MACROD2: variants seen among roughly 807,000 people sequenced by gnomAD.
The protein encoded by MACROD2 is ADP-ribose glycohydrolase MACROD2.
Under a neutral mutation model 70.4 loss-of-function variants are expected in MACROD2, and 36 were observed. The observed-to-expected ratio is 0.51, with a 90% CI of 0.39 to 0.68. MACROD2 has a LOEUF of 0.68. MACROD2 is among the 30% of genes least tolerant of loss of function. The pLI is 0.00. For missense variants in MACROD2, 496 were observed against 538.4 expected (o/e 0.92, Z 0.78); for synonymous variants, 172 against 178.8 (o/e 0.96, Z 0.30).
At chr20:15,275,385 G>T (rs2077381899) in intron 6 of MACROD2, among the ~76,000 whole-genome samples, 1 of 152,150 alleles carries the variant, frequency 6.6e-6, no homozygotes, top group South Asian at 2.1e-4. Flanking sequence ...AAGGAGGGGG[G>T]TAATTAGTAT....
At chr20:14,741,201 T>C (rs144823587) in intron 5 of MACROD2, among the ~76,000 whole-genome samples, 2,059 of 152,310 alleles carry the variant, frequency 0.014, 48 homozygotes, top group African/African-American at 0.046. Flanking sequence ...TATTCACACA[T>C]ATATTGTATG....
chr20:14,615,218 AC>A (rs953082258), intron 4 of MACROD2, among the ~76,000 whole-genome samples: 2 of 151,950 alleles, frequency 1.3e-5, no homozygotes, highest in African/African-American at 2.4e-5. Context: ...GGAAGTAGTG[AC>A]CTTGGATGAG....
chr20:15,043,312 T>G (rs1435602910), intron 5 of MACROD2, among the ~76,000 whole-genome samples: 3 of 152,254 alleles, frequency 2.0e-5, no homozygotes, highest in Non-Finnish European at 4.4e-5. Flanking sequence ...GTGCCTGCAT[T>G]CTTGCATAGG....
At chr20:15,302,387 C>CACACACACACAAGACAT (rs6147301) in intron 6 of MACROD2, among the ~76,000 whole-genome samples, 15 of 150,550 alleles carry the variant, frequency 1.0e-4, no homozygotes, top group African/African-American at 3.4e-4. Flanking sequence ...CACACATACA[C>CACACACACACAAGACAT]ACATACAGAT....
At chr20:14,427,188 CTCTG>C (rs930540592) in intron 3 of MACROD2, among the ~76,000 whole-genome samples, 41 of 151,554 alleles carry the variant, frequency 2.7e-4, no homozygotes, top group African/African-American at 6.5e-4. Flanking sequence ...TTTATTCGTC[CTCTG>C]TCTTTCTTTA....
At chr20:14,210,104 T>C (rs2081558498) in intron 3 of MACROD2, among the ~76,000 whole-genome samples, 1 of 152,232 alleles carries the variant, frequency 6.6e-6, no homozygotes, top group African/African-American at 2.4e-5. Flanking sequence ...TATATACATA[T>C]GTCTTTTGCC....
chr20:14,130,726 G>T (rs1215443923), intron 3 of MACROD2, among the ~76,000 whole-genome samples: 1 of 151,940 alleles, frequency 6.6e-6, no homozygotes, highest in Non-Finnish European at 1.5e-5. Context: ...TTCACAGTCG[G>T]GATTTTTTGG....
intron 3 of MACROD2, among the ~76,000 whole-genome samples, chr20:14,188,593 A>G (rs528243725): frequency 6.6e-6 from 1 of 152,134 alleles, no homozygotes; most frequent in Non-Finnish European, 1.5e-5. Flanking sequence ...AAATTTTTTC[A>G]GTTTCCCCAC....
chr20:15,560,634 G>A (rs755037381), intron 8 of MACROD2, among the ~76,000 whole-genome samples: 15 of 151,958 alleles, frequency 9.9e-5, no homozygotes, highest in Non-Finnish European at 2.1e-4. Flanking sequence ...ATGGTGGTGT[G>A]TGCCTGTAAT....
At chr20:15,709,310 G>A (rs896718031) in intron 8 of MACROD2, among the ~76,000 whole-genome samples, 1 of 152,146 alleles carries the variant, frequency 6.6e-6, no homozygotes, top group African/African-American at 2.4e-5. Context: ...GCTTTTCTGG[G>A]AAAATCTTTT....
chr20:15,011,337 A>G (rs775831576), intron 5 of MACROD2, among the ~76,000 whole-genome samples: 1 of 151,376 alleles, frequency 6.6e-6, no homozygotes, highest in Non-Finnish European at 1.5e-5. Context: ...TAAGAAATAC[A>G]GAGAGAGAGA....
At chr20:14,426,688 G>C (rs1307137216) in intron 3 of MACROD2, among the ~76,000 whole-genome samples, 1 of 152,024 alleles carries the variant, frequency 6.6e-6, no homozygotes, top group Non-Finnish European at 1.5e-5. Flanking sequence ...TTCTACTTAG[G>C]CAGATCAGAT....
At chr20:15,798,282 T>C (rs540001247) in intron 8 of MACROD2, among the ~76,000 whole-genome samples, 1 of 152,326 alleles carries the variant, frequency 6.6e-6, no homozygotes, top group Non-Finnish European at 1.5e-5. Context: ...TGCCTGTGAT[T>C]GGGTGCTTGG....
chr20:14,609,283 T>C (rs939239174), intron 4 of MACROD2, among the ~76,000 whole-genome samples: 1 of 152,084 alleles, frequency 6.6e-6, no homozygotes, highest in Non-Finnish European at 1.5e-5. Context: ...AAATACAAAA[T>C]TGAGCTGCTA....
intron 5 of MACROD2, among the ~76,000 whole-genome samples, chr20:15,003,474 A>C (rs2075011333): frequency 6.6e-6 from 1 of 152,350 alleles, no homozygotes; most frequent in African/African-American, 2.4e-5. Context: ...ACAGATCATA[A>C]GAGTCTAATA....
At chr20:14,070,464 G>A (rs1216771164) in intron 2 of MACROD2, among the ~76,000 whole-genome samples, 3 of 152,000 alleles carry the variant, frequency 2.0e-5, no homozygotes, top group Non-Finnish European at 2.9e-5. Context: ...TTGTATATCC[G>A]TAAAACCTCT....
rs185834170 is a variant in MACROD2, at chr20:14,829,325, T to A, written c.418+144366T>A. 1.6e-3 allele frequency among the ~76,000 whole-genome samples: 236 copies of A among 151,402 alleles called. 1 individual carries two copies. Among genetic ancestry groups the A allele is most frequent in the East Asian group, 0.012 (59 of 5,126 alleles). On this transcript the variant is annotated intron_variant, in intron 5 of 17. Coordinates refer to ENST00000684519, the MANE Select transcript of MACROD2 (RefSeq NM_001351661.2). The stretch of plus-strand genomic sequence containing the variant: ...TTTTGTATTTTTAGCAGAGACGGGG[T>A]TTCACCATTTTAGCCAGGATGGTCT...
chr20:15,430,099 T>G (rs749255513), intron 6 of MACROD2, among the ~76,000 whole-genome samples: 61 of 151,824 alleles, frequency 4.0e-4, no homozygotes, highest in Non-Finnish European at 6.3e-4. Context: ...AAACACATGA[T>G]TTCATTCTTT....
At chr20:14,239,864 C>T (rs1206602343) in intron 3 of MACROD2, among the ~76,000 whole-genome samples, 1 of 151,988 alleles carries the variant, frequency 6.6e-6, no homozygotes, top group Non-Finnish European at 1.5e-5. Context: ...TTCTGCAGAG[C>T]AAAAGAAACT....
Sources: gnomAD v4.1 joint callset for allele counts (sites outside exome capture counted in the v4.1 genomes callset) on GRCh38, gnomAD v4.1.1 for gene constraint, MANE v1.5 for transcripts, NCBI Gene and HGNC (gene_info 2026-07-23, HGNC 2026-07-21) for gene names.